DMD: variants seen among roughly 807,000 people sequenced by gnomAD.
The protein encoded by DMD is mutant dystrophin.
In DMD, 63 loss-of-function variants were observed where a neutral mutation model predicts 330.1. The observed-to-expected ratio is 0.19, with a 90% CI of 0.16 to 0.24. The LOEUF is 0.24. Among genes scored for constraint, DMD ranks in the 10% least tolerant of loss-of-function variants. DMD has a pLI of 1.00. For synonymous variants in DMD, 1,223 were observed against 959.8 expected (o/e 1.27, Z -5.07); for missense variants, 3,344 against 2,684.1 (o/e 1.25, Z -5.43).
intron 44 of DMD, among the ~76,000 whole-genome samples, chrX:32,135,872 C>A (rs975024767): frequency 3.6e-5 from 4 of 112,185 alleles, no homozygotes; most frequent in Non-Finnish European, 7.5e-5. Flanking sequence ...ATAAACTGCA[C>A]AAATCAAAAT....
chrX:32,573,703 C>A (rs769004064), intron 14 of DMD, 42 bp downstream of exon 14: 33 of 1,185,416 alleles, frequency 2.8e-5, no homozygotes, highest in African/African-American at 1.9e-4. Context: ...AATTTAATAT[C>A]CCCCCGTGTC....
chrX:31,744,848 T>C (rs937157322), intron 51 of DMD, among the ~76,000 whole-genome samples: 1 of 112,078 alleles, frequency 8.9e-6, no homozygotes, highest in Non-Finnish European at 1.9e-5. Flanking sequence ...ATTGTATGCA[T>C]AACACATCAC....
chrX:32,457,921 T>C (rs1196231124), intron 25 of DMD, among the ~76,000 whole-genome samples: 1 of 111,009 alleles, frequency 9.0e-6, no homozygotes, highest in Non-Finnish European at 1.9e-5. Context: ...ATATATTATT[T>C]ACTTAGAAAG....
intron 55 of DMD, among the ~76,000 whole-genome samples, chrX:31,600,976 A>G (rs192950760): frequency 9.2e-6 from 1 of 108,910 alleles, no homozygotes; most frequent in Non-Finnish European, 1.9e-5. Context: ...GTAAATAAAG[A>G]CTCCTCAACT....
chrX:32,923,850 T>A (rs1458327108), intron 2 of DMD, among the ~76,000 whole-genome samples: 7 of 111,552 alleles, frequency 6.3e-5, no homozygotes. Flanking sequence ...TAAATTTTAA[T>A]TAGGAAAAGA....
At chrX:32,096,040 G>C (rs2096503865) in intron 44 of DMD, among the ~76,000 whole-genome samples, 1 of 111,616 alleles carries the variant, frequency 9.0e-6, no homozygotes. Flanking sequence ...AAGTTTTTAA[G>C]AGTCAGGCAT....
At chrX:32,112,286 A>G (rs1177301452) in intron 44 of DMD, among the ~76,000 whole-genome samples, 2 of 111,942 alleles carry the variant, frequency 1.8e-5, no homozygotes, top group East Asian at 2.8e-4. Context: ...CCACTCTCCA[A>G]TGTTTCTGAT....
At chrX:33,108,277 T>G (rs2095308641) in intron 1 of DMD, among the ~76,000 whole-genome samples, 1 of 110,919 alleles carries the variant, frequency 9.0e-6, no homozygotes, top group Non-Finnish European at 1.9e-5. Context: ...TTCTGTTTTT[T>G]GAGACGAAGT....
chrX:32,448,819 A>AAAGC (rs1380942037), intron 26 of DMD, among the ~76,000 whole-genome samples, 181 bp from the exon 27 acceptor site: 2 of 111,268 alleles, frequency 1.8e-5, no homozygotes, highest in Non-Finnish European at 3.8e-5. Flanking sequence ...TTGGAAAGTT[A>AAAGC]AAGAAATAAT....
At chrX:32,086,611 T>G (rs748166570) in intron 44 of DMD, among the ~76,000 whole-genome samples, 3 of 111,697 alleles carry the variant, frequency 2.7e-5, no homozygotes, top group East Asian at 5.7e-4. Context: ...CACTCCAAGT[T>G]TCCTTGATGC....
chrX:31,742,226 C>T (rs969628015), intron 51 of DMD, among the ~76,000 whole-genome samples: 1 of 112,431 alleles, frequency 8.9e-6, no homozygotes, highest in Non-Finnish European at 1.9e-5. Context: ...TTTCTTATTC[C>T]TGTGTTCAAC....
At chrX:31,179,114 T>C (rs1451220958) in intron 69 of DMD, among the ~76,000 whole-genome samples, 1 of 112,657 alleles carries the variant, frequency 8.9e-6, no homozygotes, top group African/African-American at 3.2e-5. Context: ...TGGTAGTTTA[T>C]AGGTCTTAAG....
chrX:33,001,611 GTAT>G (rs772234277), intron 2 of DMD, among the ~76,000 whole-genome samples: 11 of 111,347 alleles, frequency 9.9e-5, no homozygotes, highest in African/African-American at 3.3e-4. Context: ...TTTGTTTTGT[GTAT>G]TATTATTAGA....
chrX:32,042,117 A>G (rs1440116014), intron 44 of DMD, among the ~76,000 whole-genome samples: 2 of 93,309 alleles, frequency 2.1e-5, no homozygotes, highest in Non-Finnish European at 4.3e-5. Context: ...ATACATATAC[A>G]CACATATGTA....
intron 1 of DMD, among the ~76,000 whole-genome samples, chrX:33,119,430 G>A (rs937950017): frequency 8.9e-5 from 10 of 111,919 alleles, no homozygotes; most frequent in South Asian, 3.7e-4. Flanking sequence ...AGTTTATTCC[G>A]CAAATACATA....
At chrX:31,715,060 T>C (rs2084919062) in intron 52 of DMD, among the ~76,000 whole-genome samples, 1 of 111,544 alleles carries the variant, frequency 9.0e-6, no homozygotes, top group African/African-American at 3.3e-5. Context: ...ATACACTTTG[T>C]TTATATAATG....
chrX:31,662,262 C>T (rs747920222), intron 53 of DMD, among the ~76,000 whole-genome samples: 1 of 111,413 alleles, frequency 9.0e-6, no homozygotes, highest in East Asian at 2.8e-4. Flanking sequence ...CTGGCGTGCC[C>T]GAAGGATTAA....
intron 1 of DMD, among the ~76,000 whole-genome samples, chrX:33,122,831 C>G (rs889951317): frequency 3.6e-5 from 4 of 111,609 alleles, no homozygotes; most frequent in Non-Finnish European, 7.5e-5. Context: ...AACTGTGTTC[C>G]GAATGCTTTC....
chrX:32,252,516 T>C (rs753798865), intron 43 of DMD, among the ~76,000 whole-genome samples: 4 of 101,188 alleles, frequency 4.0e-5, no homozygotes, highest in African/African-American at 1.4e-4. Context: ...AATTACTATA[T>C]GTTGAATAAA....
Sources: gnomAD v4.1 joint callset for allele counts (sites outside exome capture counted in the v4.1 genomes callset) on GRCh38, gnomAD v4.1.1 for gene constraint, MANE v1.5 for transcripts, NCBI Gene and HGNC (gene_info 2026-07-23, HGNC 2026-07-21) for gene names.